RGSL1: variants seen among roughly 807,000 people sequenced by gnomAD.
RGSL1 encodes regulator of G protein signaling protein-like.
In RGSL1, 97 loss-of-function variants were observed where a neutral mutation model predicts 124.7. The observed-to-expected ratio is 0.78, with a 90% CI of 0.66 to 0.92. The LOEUF (loss-of-function observed/expected upper bound fraction) is 0.92. Among genes scored for constraint, RGSL1 ranks in the 40% least tolerant of loss-of-function variants. The pLI, the probability that RGSL1 is intolerant of heterozygous loss-of-function variation, is 0.00. For synonymous variants in RGSL1, 424 were observed against 438.1 expected (o/e 0.97, Z 0.40); for missense variants, 1,233 against 1,288.4 (o/e 0.96, Z 0.66).
In RGSL1 at chr1:182,540,377, C is replaced by G; in HGVS notation, c.2625C>G (p.Val875=). Residue 875 remains valine (V), a synonymous_variant, in exon 15 of 22, where the codon GTC becomes GTG. Transcript: ENST00000294854. Reference sequence around the variant, plus strand: ...TATTTGGCCACAGGATTATCACTGTCAACTTTGCGATCAATGATCTATATT... The same window carrying G: ...TATTTGGCCACAGGATTATCACTGTGAACTTTGCGATCAATGATCTATATT... ...RRIFGHRIIT[V]NFAINDLYFF... The G allele has an allele frequency of 6.4e-7, 1 of 1,551,200 alleles. No individual in the cohort carries two copies. The highest frequency in any genetic ancestry group is 8.7e-7 in the Non-Finnish European group (1 of 1,146,682).
intron 9 of RGSL1, among the ~76,000 whole-genome samples, chr1:182,520,977 A>G (rs1448426046): frequency 6.6e-6 from 1 of 152,202 alleles, no homozygotes; most frequent in Non-Finnish European, 1.5e-5. Context: ...TTCATAGTCT[A>G]TGTTTTCTTC....
At position 182,532,740 on chromosome 1, in the gene RGSL1, C is replaced by A. The variant is rs1445505500; in HGVS notation, c.2443C>A (p.Arg815Ser). Reference protein sequence around the residue: ...YRRFMLNPSKRQEFEDYLHQE... With the variant: ...YRRFMLNPSKSQEFEDYLHQE... ...CAGATTTATGTTGAATCCTAGTAAG[C>A]GCCAGGAATTTGAAGACTATCTTCA... The change falls in exon 14 of 22, where the codon CGC (arginine) becomes AGC (serine). Residue 815 changes from arginine to serine, a missense_variant. By Grantham distance (110) the Arg-to-Ser change is moderately radical (BLOSUM62 -1). Coordinates refer to ENST00000294854, the MANE Select transcript of RGSL1 (RefSeq NM_001137669.2). The A allele has an allele frequency of 6.4e-7, 1 of 1,550,708 alleles. No individual in the cohort carries two copies. Among genetic ancestry groups the A allele is most frequent in the Non-Finnish European group, 8.7e-7 (1 of 1,146,366 alleles).
In RGSL1 at chr1:182,548,812, A is replaced by G. The variant is rs1337829508; in HGVS notation, c.2921A>G (p.Tyr974Cys). 1 of 1,551,436 alleles carries G rather than the reference A, an allele frequency of 6.4e-7. No individual in the cohort carries two copies. The highest frequency in any genetic ancestry group is 2.0e-5 in the Admixed American group (1 of 50,972). The change falls in exon 17 of 22, where the codon TAC becomes TGC. Residue 974 changes from tyrosine to cysteine, a missense_variant. Transcript: ENST00000294854. ...AIMSVFPVVM[Y>C]FWKRFCFWKA... ...ATGTCTGTCTTCCCCGTTGTTATGT[A>G]CTTCTGGAAAAGGTAACTGTTTCTC... is the stretch of plus-strand genomic sequence containing the variant.
intron 14 of RGSL1, among the ~76,000 whole-genome samples, chr1:182,535,384 A>G (rs889892356): frequency 1.3e-5 from 2 of 152,150 alleles, no homozygotes; most frequent in Admixed American, 1.3e-4. Context: ...TGTGTTTGGT[A>G]TCTGAGAAAA....
At chr1:182,543,000 G>T (rs542554825) in intron 15 of RGSL1, among the ~76,000 whole-genome samples, 44 of 152,176 alleles carry the variant, frequency 2.9e-4, no homozygotes, top group African/African-American at 1.0e-3. Flanking sequence ...CTGTGAACAA[G>T]GCTAATTTGA....
At chr1:182,462,374 A>G (rs1011553810) in intron 4 of RGSL1, among the ~76,000 whole-genome samples, 2 of 152,214 alleles carry the variant, frequency 1.3e-5, no homozygotes, top group African/African-American at 2.4e-5. Flanking sequence ...AAATGAAAGA[A>G]CACTAGACAG....
At chr1:182,488,221 T>C (rs1261996046) in intron 6 of RGSL1, 64 bp from the exon 7 acceptor site, 26 of 1,457,956 alleles carry the variant, frequency 1.8e-5, no homozygotes, top group African/African-American at 2.8e-5. Context: ...GGTGAACATA[T>C]GCAGGAAAGA....
chr1:182,548,229 G>T, intron 15 of RGSL1, 88 bp from the exon 16 acceptor site: 3 of 1,432,962 alleles, frequency 2.1e-6, no homozygotes, highest in Admixed American at 2.2e-5. Flanking sequence ...TGCGTTTTTT[G>T]GGCCAGAAAT....
chr1:182,549,625 G>A (rs1660438354), intron 17 of RGSL1: 1 of 152,008 alleles, frequency 6.6e-6, no homozygotes, highest in Non-Finnish European at 1.5e-5. Flanking sequence ...AATGTTCCCA[G>A]ACAAAGCTAA....
intron 9 of RGSL1, among the ~76,000 whole-genome samples, chr1:182,498,393 T>A (rs1656095452): frequency 6.6e-6 from 1 of 152,164 alleles, no homozygotes; most frequent in South Asian, 2.1e-4. Context: ...TTCCTTTTCT[T>A]AGAGAATGAT....
Position 182,554,608 on chromosome 1 carries a change from T to C in RGSL1, c.3131-19T>C, listed in dbSNP as rs1197504191. ...ATGTCATGAGTCCTGATGCAATTTT[T>C]CTCTGTATTTCTCTTTAGCTTCATC... On this transcript the variant is annotated intron_variant, in intron 19 of 21. Coordinates refer to ENST00000294854, the MANE Select transcript of RGSL1 (RefSeq NM_001137669.2). The C allele has an allele frequency of 6.4e-7, 1 of 1,550,804 alleles. No individual in the cohort carries two copies. Among genetic ancestry groups the C allele is most frequent in the African/African-American group, 1.4e-5 (1 of 73,040 alleles).
At chr1:182,509,788 G>T (rs368852321) in intron 9 of RGSL1, among the ~76,000 whole-genome samples, 3 of 127,564 alleles carry the variant, frequency 2.4e-5, no homozygotes, top group African/African-American at 6.1e-5. Context: ...CCTCCCTCCC[G>T]GATGGGGCGG....
intron 10 of RGSL1, among the ~76,000 whole-genome samples, chr1:182,527,304 A>G (rs539719086): frequency 1.3e-5 from 2 of 152,334 alleles, no homozygotes; most frequent in African/African-American, 4.8e-5. Flanking sequence ...ATGTAAAAAG[A>G]GAATTCCCTT....
chr1:182,548,189 T>C (rs1450329131), intron 15 of RGSL1, 128 bp from the exon 16 acceptor site: 6 of 921,640 alleles, frequency 6.5e-6, no homozygotes, highest in Non-Finnish European at 1.0e-5. Flanking sequence ...ACTGAATGAA[T>C]AAAGTCACAA....
At chr1:182,524,468 G>A (rs894897916) in intron 10 of RGSL1, among the ~76,000 whole-genome samples, 3 of 152,180 alleles carry the variant, frequency 2.0e-5, no homozygotes, top group Non-Finnish European at 2.9e-5. Flanking sequence ...GAATGGTAGA[G>A]CAAGAACATT....
chr1:182,501,950 T>G (rs1181929998), intron 9 of RGSL1, among the ~76,000 whole-genome samples: 1 of 152,190 alleles, frequency 6.6e-6, no homozygotes, highest in East Asian at 1.9e-4. Context: ...TTTTCTTGAG[T>G]CAGTTTTAGA....
In RGSL1 at chr1:182,459,205, A is replaced by C. The variant is rs183104923; in HGVS notation, c.172-799A>C. 1.8e-4 allele frequency among the ~76,000 whole-genome samples: 28 copies of C among 152,280 alleles called. No individual in the cohort carries two copies. The East Asian group carries it at 5.4e-3, about 29-fold the overall frequency. ...TGCAATTTCTAGTGACTACTCCACT[A>C]TTCTCCAGAGGCATGTTTTTCTCCC... On this transcript the variant is annotated intron_variant, in intron 3 of 21. Coordinates refer to ENST00000294854, the MANE Select transcript of RGSL1 (RefSeq NM_001137669.2).
intron 8 of RGSL1, among the ~76,000 whole-genome samples, chr1:182,490,014 A>G (rs1329884996): frequency 2.0e-5 from 3 of 152,230 alleles, no homozygotes; most frequent in Non-Finnish European, 4.4e-5. Context: ...ATAATTCCTT[A>G]AATATATACC....
At chr1:182,458,243 T>C (rs1296818237) in intron 2 of RGSL1, 76 bp from the exon 3 acceptor site, 1 of 1,039,212 alleles carries the variant, frequency 9.6e-7, no homozygotes, top group African/African-American at 1.6e-5. Context: ...CCTTCCTCTG[T>C]GGCTGTAGAG....
Sources: gnomAD v4.1 joint callset for allele counts (sites outside exome capture counted in the v4.1 genomes callset) on GRCh38, gnomAD v4.1.1 for gene constraint, MANE v1.5 for transcripts, NCBI Gene and HGNC (gene_info 2026-07-23, HGNC 2026-07-21) for gene names.